The following CDK15 variants were observed in gnomAD, a reference collection of about 807,000 sequenced individuals.
CDK15 encodes the protein cyclin-dependent kinase 15.
CDK15 carries 62 observed loss-of-function variants against 60.3 expected under a neutral mutation model. That is an observed-to-expected ratio of 1.03 (90% CI 0.84 to 1.27). The LOEUF (loss-of-function observed/expected upper bound fraction) is 1.27. Ranked by LOEUF, CDK15 falls within the 50% of genes most tolerant of loss-of-function variation. The probability of loss-of-function intolerance (pLI) is 0.00; values close to 1 mark genes in which losing one functional copy is unlikely to be tolerated. For missense variants in CDK15, 541 were observed against 527.8 expected (o/e 1.03, Z -0.25); for synonymous variants, 194 against 195.7 (o/e 0.99, Z 0.07).
intron 4 of CDK15, among the ~76,000 whole-genome samples, chr2:201,812,828 C>T (rs1255221750): frequency 6.6e-6 from 1 of 152,124 alleles, no homozygotes; most frequent in Non-Finnish European, 1.5e-5. Context: ...TGTGTTTGGC[C>T]TCATGCTAGG....
At chr2:201,830,943 G>A (rs548924349) in intron 6 of CDK15, among the ~76,000 whole-genome samples, 1 of 152,298 alleles carries the variant, frequency 6.6e-6, no homozygotes, top group East Asian at 1.9e-4. Context: ...TCTCATTTAA[G>A]GAAAGGAGCC....
chr2:201,825,593 T>G (rs1696443971), intron 6 of CDK15, among the ~76,000 whole-genome samples: 1 of 152,156 alleles, frequency 6.6e-6, no homozygotes, highest in African/African-American at 2.4e-5. Flanking sequence ...TCATGGTATG[T>G]TAAGGACCCT....
intron 8 of CDK15, among the ~76,000 whole-genome samples, chr2:201,842,593 T>C (rs1272616522): frequency 1.3e-5 from 2 of 152,248 alleles, no homozygotes; most frequent in Non-Finnish European, 2.9e-5. Flanking sequence ...ATATTCTCCT[T>C]GCACCTCCAA....
chr2:201,889,525 T>C, intron 12 of CDK15: 1 of 673,014 alleles, frequency 1.5e-6, no homozygotes, highest in Non-Finnish European at 1.8e-6. Context: ...TTTCCGTACT[T>C]TTCAGATAAG....
chr2:201,844,111 G>A (rs1260209241), intron 8 of CDK15, among the ~76,000 whole-genome samples: 1 of 152,116 alleles, frequency 6.6e-6, no homozygotes. Flanking sequence ...TGAGCTCCTG[G>A]GGTTTCTGGA....
At position 201,882,759 on chromosome 2, in the gene CDK15, T is replaced by G. The variant is rs961454142; in HGVS notation, c.1198+2592T>G. Among the ~76,000 whole-genome samples, 1 of 151,566 alleles carries G rather than the reference T, an allele frequency of 6.6e-6. No individual in the cohort carries two copies. Among genetic ancestry groups the G allele is most frequent in the African/African-American group, 2.4e-5 (1 of 41,252 alleles). ...GTATATAGACAGATGGACAAGTAGA[T>G]AGAAAAAGCAAAGCTACCAGGAAAG... On this transcript the variant is annotated intron_variant, in intron 12 of 13. Transcript: ENST00000652192. This position sits in a 1 kb window ranked among gnomAD's most constrained non-coding sequence, Gnocchi z 4.0.
At chr2:201,809,080 G>A (rs1695640002) in intron 3 of CDK15, among the ~76,000 whole-genome samples, 1 of 152,070 alleles carries the variant, frequency 6.6e-6, no homozygotes, top group Admixed American at 6.5e-5. Flanking sequence ...TAGTCATGGT[G>A]TACCTTAACT....
intron 1 of CDK15, 35 bp from the exon 2 acceptor site, chr2:201,807,459 A>C: frequency 6.3e-7 from 1 of 1,598,208 alleles, no homozygotes; most frequent in Non-Finnish European, 8.5e-7. Context: ...TTTACTTTGC[A>C]TAAATTTTAT....
chr2:201,833,718 T>TCTTCTTCTTC (rs1553523068), intron 6 of CDK15, 130 bp from the exon 7 acceptor site: 1 of 286,596 alleles, frequency 3.5e-6, no homozygotes, highest in Non-Finnish European at 5.1e-6. Flanking sequence ...TTCTTCTTCT[T>TCTTCTTCTTC]TTTTTTTTTT....
chr2:201,865,660 C>T (rs571842646), intron 10 of CDK15, among the ~76,000 whole-genome samples: 3 of 151,898 alleles, frequency 2.0e-5, no homozygotes, highest in South Asian at 2.1e-4. Context: ...GAGGCCGAGG[C>T]GGGTGGATCA....
intron 10 of CDK15, among the ~76,000 whole-genome samples, chr2:201,863,506 G>A (rs1698482268): frequency 6.6e-6 from 1 of 152,164 alleles, no homozygotes; most frequent in African/African-American, 2.4e-5. Context: ...TCAAACCAGA[G>A]CCTCCTTCTC....
chr2:201,870,490 C>T (rs1031028486), intron 10 of CDK15, among the ~76,000 whole-genome samples: 1 of 146,620 alleles, frequency 6.8e-6, no homozygotes, highest in Non-Finnish European at 1.5e-5. Context: ...GGGAGGAACA[C>T]TTGAGGCCAG....
In CDK15 at chr2:201,855,280, G is replaced by A. The variant is rs73057604; in HGVS notation, c.1009+343G>A. ...TTTGGGCCCCCTGACTGTCATAAGT[G>A]TATTGATTAGTATTGAATTGCATAT... On this transcript the variant is annotated intron_variant, in intron 10 of 13. Transcript: ENST00000652192. Among the ~76,000 whole-genome samples, 399 of 152,324 alleles carry A rather than the reference G, an allele frequency of 2.6e-3. 1 individual carries two copies. The highest frequency in any genetic ancestry group is 9.1e-3 in the African/African-American group (379 of 41,572).
At chr2:201,885,903 A>T (rs1441695369) in intron 12 of CDK15, among the ~76,000 whole-genome samples, 1 of 152,208 alleles carries the variant, frequency 6.6e-6, no homozygotes, top group African/African-American at 2.4e-5. Flanking sequence ...CATATTACAG[A>T]TTAGACAGCT....
rs1337442821 is a variant in CDK15 at position 201,812,470 on chromosome 2, C to G, written c.369-13C>G. ...CCTCAATAAGTGTGTGCCCCTCAAT[C>G]CCTCTCTTCTAGAATAAATGGACAA... On this transcript the variant is annotated splice_polypyrimidine_tract_variant and intron_variant, in intron 3 of 13. Coordinates refer to ENST00000652192, the MANE Select transcript of CDK15 (RefSeq NM_001366386.2). 6.2e-7 allele frequency: 1 copy of G among 1,601,260 alleles called. No individual in the cohort carries two copies. Among genetic ancestry groups the G allele is most frequent in the Admixed American group, 1.7e-5 (1 of 59,734 alleles).
intron 10 of CDK15, among the ~76,000 whole-genome samples, chr2:201,868,474 G>A (rs1331038426): frequency 6.6e-6 from 1 of 152,160 alleles, no homozygotes; most frequent in African/African-American, 2.4e-5. Context: ...AGGGAAAGAG[G>A]AAGGAAAAGC....
chr2:201,886,623 C>T (rs975707831), intron 12 of CDK15, among the ~76,000 whole-genome samples: 2 of 152,190 alleles, frequency 1.3e-5, no homozygotes, highest in Non-Finnish European at 2.9e-5. Context: ...CCTTGTCTGG[C>T]CAAGATTTCT....
rs778256691 is a variant in CDK15 at position 201,833,932 on chromosome 2, C to T, written c.691C>T (p.Leu231Phe). The change falls in exon 7 of 14, where the codon CTC (leucine) becomes TTC (phenylalanine). Residue 231 changes from leucine to phenylalanine, a missense_variant. Coordinates refer to ENST00000652192, the MANE Select transcript of CDK15 (RefSeq NM_001366386.2). The stretch of plus-strand genomic sequence containing the variant: ...CAGGGACCTGAAACCTCAGAACTTA[C>T]TCATCAGTCACCTGGGAGAGCTCAA... Reference protein sequence around the residue: ...LHRDLKPQNLLISHLGELKLA... With the variant: ...LHRDLKPQNLFISHLGELKLA... 4 of 1,613,984 alleles carry T rather than the reference C, an allele frequency of 2.5e-6. No homozygotes were observed. Among genetic ancestry groups the T allele is most frequent in the Non-Finnish European group, 3.4e-6 (4 of 1,179,936 alleles).
At chr2:201,834,010 A>T in intron 7 of CDK15, 39 bp downstream of exon 7, 1 of 1,605,490 alleles carries the variant, frequency 6.2e-7, no homozygotes, top group South Asian at 1.1e-5. Context: ...GCTGTGAACA[A>T]TGATGCTTTT....
Sources: allele counts gnomAD v4.1 joint callset (sites outside exome capture counted in the v4.1 genomes callset), GRCh38; gene constraint gnomAD v4.1.1; non-coding constraint Gnocchi (gnomAD v3.1); transcripts MANE v1.5; gene names NCBI Gene and HGNC (gene_info 2026-07-23, HGNC 2026-07-21).